Variants in EYS observed in about 807,000 individuals in gnomAD.
The protein encoded by EYS is EGF-like photoreceptor maintenance factor, also known as protein eyes shut homolog.
Under a neutral mutation model 282.1 loss-of-function variants are expected in EYS, and 250 were observed. The observed-to-expected ratio is 0.89, with a 90% CI of 0.80 to 0.98. The LOEUF (loss-of-function observed/expected upper bound fraction) is 0.98. Among genes scored for constraint, EYS ranks in the 50% least tolerant of loss-of-function variants. The probability of loss-of-function intolerance (pLI) is 0.00; values close to 1 mark genes in which losing one functional copy is unlikely to be tolerated. For missense variants in EYS, 4,016 were observed against 3,709.0 expected, an observed-to-expected ratio of 1.08 and a Z score of -2.15; for synonymous variants, 1,355 against 1,282.9, an observed-to-expected ratio of 1.06 and a Z score of -1.20.
chr6:65,033,731 C>G (rs1466040057), intron 13 of EYS, among the ~76,000 whole-genome samples: 1 of 152,154 alleles, frequency 6.6e-6, no homozygotes, highest in Admixed American at 6.6e-5. Context: ...GCAGAACCCT[C>G]ACAGAGAATC....
chr6:65,348,882 C>T (rs1582170534), intron 9 of EYS, among the ~76,000 whole-genome samples: 1 of 151,660 alleles, frequency 6.6e-6, no homozygotes, highest in East Asian at 1.9e-4. Context: ...TTTTGATTTG[C>T]TTTTTGTATA....
intron 12 of EYS, among the ~76,000 whole-genome samples, chr6:65,192,367 C>A (rs898268704): frequency 6.8e-6 from 1 of 147,132 alleles, no homozygotes; most frequent in Non-Finnish European, 1.5e-5. Context: ...CCTTTCTATA[C>A]AAGTTCACAT....
intron 12 of EYS, among the ~76,000 whole-genome samples, chr6:65,117,828 T>C (rs1353242729): frequency 6.6e-6 from 1 of 152,204 alleles, no homozygotes; most frequent in African/African-American, 2.4e-5. Context: ...CTGATAGATG[T>C]CCTAGAGATA....
chr6:65,444,194 T>G (rs186403184), intron 5 of EYS, among the ~76,000 whole-genome samples: 5 of 152,102 alleles, frequency 3.3e-5, no homozygotes, highest in African/African-American at 2.4e-5. Context: ...TATTCTTCAA[T>G]ATAGTCTCAA....
chr6:64,143,658 T>TC (rs751652713), intron 31 of EYS, among the ~76,000 whole-genome samples: 77 of 152,288 alleles, frequency 5.1e-4, no homozygotes, highest in Non-Finnish European at 9.0e-4. Flanking sequence ...CCAGACCCTG[T>TC]CCCCAGCTCC....
intron 5 of EYS, among the ~76,000 whole-genome samples, chr6:65,482,859 G>A (rs1427459663): frequency 6.6e-6 from 1 of 152,120 alleles, no homozygotes; most frequent in Non-Finnish European, 1.5e-5. Flanking sequence ...GTTTATGGTA[G>A]CTTTAATTTA....
chr6:64,447,376 G>A (rs565807534), intron 26 of EYS, among the ~76,000 whole-genome samples: 47 of 152,056 alleles, frequency 3.1e-4, no homozygotes, highest in African/African-American at 1.1e-3. Context: ...AATAGAGCAG[G>A]ATAAAGTAGG....
chr6:63,738,965 G>A lies in EYS; in HGVS notation c.8072-12285C>T, dbSNP rs556615364. ...TACTGATTATCTACTTACATCATTC[G>A]TGTTACGTTTATTAGCTGGAATTCC... On this transcript the variant is annotated intron_variant, in intron 41 of 42. Transcript: ENST00000503581. Among the ~76,000 whole-genome samples, 136 of 152,102 alleles carry A rather than the reference G, an allele frequency of 8.9e-4. 2 individuals carry two copies. The Middle Eastern group carries it at 0.02, about 23-fold the overall frequency.
At chr6:64,250,431 C>A (rs867180132) in intron 30 of EYS, among the ~76,000 whole-genome samples, 1 of 152,262 alleles carries the variant, frequency 6.6e-6, no homozygotes. Flanking sequence ...AAGAGAAAAC[C>A]TTACAGCTAT....
At chr6:64,151,945 C>G (rs909746019) in intron 31 of EYS, among the ~76,000 whole-genome samples, 1 of 152,058 alleles carries the variant, frequency 6.6e-6, no homozygotes, top group African/African-American at 2.4e-5. Context: ...GCATCATTTT[C>G]TGATGTTTTT....
At chr6:64,274,335 G>A (rs972980301) in intron 30 of EYS, among the ~76,000 whole-genome samples, 1 of 151,510 alleles carries the variant, frequency 6.6e-6, no homozygotes, top group Non-Finnish European at 1.5e-5. Context: ...CCACCACGCC[G>A]GGCTAATTTT....
chr6:64,555,317 G>A (rs984096276), intron 26 of EYS, among the ~76,000 whole-genome samples: 1 of 151,794 alleles, frequency 6.6e-6, no homozygotes, highest in African/African-American at 2.4e-5. Flanking sequence ...CTTTGAAGGG[G>A]TAGAGAGGAG....
intron 22 of EYS, among the ~76,000 whole-genome samples, chr6:64,750,391 A>G (rs1395985278): frequency 1.4e-5 from 2 of 147,404 alleles, no homozygotes; most frequent in Non-Finnish European, 3.0e-5. Context: ...CACTGAGAGT[A>G]GTAATTTTAC....
At chr6:64,192,961 C>G (rs1287905306) in intron 31 of EYS, among the ~76,000 whole-genome samples, 2 of 152,132 alleles carry the variant, frequency 1.3e-5, no homozygotes, top group African/African-American at 4.8e-5. Context: ...GTACTCTAGG[C>G]AGTTTGTTTC....
intron 29 of EYS, among the ~76,000 whole-genome samples, chr6:64,384,546 T>C (rs1478059395): frequency 2.0e-5 from 3 of 152,196 alleles, no homozygotes; most frequent in Non-Finnish European, 4.4e-5. Context: ...TCCATAATTA[T>C]TTTATTTCCT....
At chr6:64,392,948 C>T (rs1238525926) in intron 28 of EYS, among the ~76,000 whole-genome samples, 1 of 152,088 alleles carries the variant, frequency 6.6e-6, no homozygotes, top group Non-Finnish European at 1.5e-5. Flanking sequence ...AAGGGGATAT[C>T]ACCACCAATC....
chr6:64,248,911 C>T (rs1336959899), intron 30 of EYS, among the ~76,000 whole-genome samples: 1 of 151,526 alleles, frequency 6.6e-6, no homozygotes, highest in African/African-American at 2.4e-5. Context: ...CAAAAATTAG[C>T]CAGGCATGGT....
intron 2 of EYS, among the ~76,000 whole-genome samples, chr6:65,554,437 C>A (rs539116285): frequency 3.9e-5 from 6 of 152,238 alleles, no homozygotes; most frequent in African/African-American, 1.4e-4. Context: ...CTGATATCAG[C>A]CAAGAAAATA....
At chr6:64,760,551 T>C (rs557587337) in intron 22 of EYS, among the ~76,000 whole-genome samples, 2 of 152,254 alleles carry the variant, frequency 1.3e-5, no homozygotes, top group East Asian at 3.9e-4. Flanking sequence ...TTCAGGTTGC[T>C]ATGAGAAATG....
Sources: allele counts gnomAD v4.1 joint callset (sites outside exome capture counted in the v4.1 genomes callset), GRCh38; gene constraint gnomAD v4.1.1; transcripts MANE v1.5; gene names NCBI Gene and HGNC (gene_info 2026-07-23, HGNC 2026-07-21).